The following ZNF562 variants were observed in gnomAD, a reference collection of about 807,000 sequenced individuals.
ZNF562 encodes the protein zinc finger protein 562.
A neutral mutation model predicts 17.5 loss-of-function variants in ZNF562; 13 were observed. The observed-to-expected ratio is 0.74, with a 90% CI of 0.48 to 1.18. The LOEUF is 1.18. Among genes scored for constraint, ZNF562 ranks in the 50% most tolerant of loss-of-function variants. The probability of loss-of-function intolerance (pLI) is 0.00; values close to 1 mark genes in which losing one functional copy is unlikely to be tolerated. For missense variants in ZNF562, 481 were observed against 498.5 expected (o/e 0.96, Z 0.33); for synonymous variants, 163 against 165.4 (o/e 0.99, Z 0.11).
intron 1 of ZNF562, among the ~76,000 whole-genome samples, chr19:9,665,379 A>G (rs2043917572): frequency 6.6e-6 from 1 of 152,178 alleles, no homozygotes; most frequent in Non-Finnish European, 1.5e-5. Flanking sequence ...TACACTGGAA[A>G]AAACTGAGCT....
chr19:9,670,274 G>A (rs538947769), intron 1 of ZNF562, among the ~76,000 whole-genome samples: 10 of 151,946 alleles, frequency 6.6e-5, no homozygotes, highest in Admixed American at 3.3e-4. Context: ...CAGTATGGGG[G>A]TTTCTCAAAA....
At chr19:9,672,967 C>T (rs968516931) in intron 1 of ZNF562, among the ~76,000 whole-genome samples, 1 of 151,902 alleles carries the variant, frequency 6.6e-6, no homozygotes, top group Non-Finnish European at 1.5e-5. Flanking sequence ...AGCCTGTAAA[C>T]TTCCTTGTTC....
Position 9,649,256 on chromosome 19 carries a change from G to A in ZNF562, c.*3693C>T, listed in dbSNP as rs1003402384. 12 of 152,142 alleles carry A rather than the reference G, an allele frequency of 7.9e-5. No individual in the cohort carries two copies. The highest frequency in any genetic ancestry group is 2.2e-4 in the African/African-American group (9 of 41,426). The allele number at this position is 152,142 out of a possible 1,614,324, so 9.4% of individuals were successfully genotyped here. On this transcript the variant is annotated 3_prime_UTR_variant, in exon 6 of 6. Transcript: ENST00000453372. ...CTCAATCCTGTCAGCTGAGGAGGAT[G>A]TATATTACCTCAGGACCCTGTAATA...
chr19:9,664,545 G>A (rs1487742022), intron 1 of ZNF562, among the ~76,000 whole-genome samples: 2 of 152,184 alleles, frequency 1.3e-5, no homozygotes, highest in African/African-American at 4.8e-5. Flanking sequence ...TTCACACAGG[G>A]CATGTGTTCC....
chr19:9,669,381 C>A (rs1307341750), intron 1 of ZNF562, among the ~76,000 whole-genome samples: 2 of 152,078 alleles, frequency 1.3e-5, no homozygotes, highest in African/African-American at 4.8e-5. Flanking sequence ...CAGAGAAATA[C>A]AAATCACACA....
At chr19:9,655,817 C>G (rs539547554) in intron 5 of ZNF562, among the ~76,000 whole-genome samples, 1 of 140,968 alleles carries the variant, frequency 7.1e-6, no homozygotes, top group Non-Finnish European at 1.5e-5. Flanking sequence ...CACTCAGCAA[C>G]CTCGGCCTCT....
At chr19:9,665,741 C>A (rs568703761) in intron 1 of ZNF562, among the ~76,000 whole-genome samples, 147 of 152,054 alleles carry the variant, frequency 9.7e-4, no homozygotes, top group Non-Finnish European at 1.8e-3. Flanking sequence ...AGGCGGTGAC[C>A]TAGGGAAATT....
intron 3 of ZNF562, 121 bp downstream of exon 3, chr19:9,659,258 T>C: frequency 2.3e-6 from 2 of 876,840 alleles, no homozygotes; most frequent in Non-Finnish European, 3.5e-6. Context: ...GGGGATTCAG[T>C]CCTTGAGTAA....
chr19:9,662,561 C>CA (rs924820513), intron 1 of ZNF562, among the ~76,000 whole-genome samples: 194 of 116,890 alleles, frequency 1.7e-3, no homozygotes, highest in East Asian at 7.2e-3. Context: ...GACTCCATCT[C>CA]AAAAAAAAAA....
rs528697437 is a variant in ZNF562 at position 9,642,945 on chromosome 19, G to A, written c.*10004C>T. On this transcript the variant is annotated 3_prime_UTR_variant, in exon 6 of 6. Transcript: ENST00000453372. ...CATTCCCAGCTACTCAGAAGGCTGA[G>A]GTGAGAGGATTGCTTGAGCCCAGGA... The A allele has an allele frequency of 6.6e-6, 1 of 151,956 alleles. No individual in the cohort carries two copies. The highest frequency in any genetic ancestry group is 6.6e-5 in the Admixed American group (1 of 15,204). 9.4% of individuals were successfully genotyped at this position (151,956 alleles called of 1,614,324 possible). A position where few individuals can be genotyped will look rare whatever the true frequency, so the allele number is the denominator to read the frequency against.
chr19:9,656,705 G>GTTT (rs1568265324), intron 4 of ZNF562, 52 bp from the exon 5 acceptor site: 8 of 1,560,754 alleles, frequency 5.1e-6, no homozygotes, highest in Non-Finnish European at 7.0e-6. Flanking sequence ...ATTTGTCCTT[G>GTTT]TTTTCAAATT....
intron 1 of ZNF562, among the ~76,000 whole-genome samples, chr19:9,662,778 G>A (rs1045693785): frequency 2.6e-5 from 4 of 152,000 alleles, no homozygotes; most frequent in Admixed American, 1.3e-4. Context: ...TACTTGGGAG[G>A]CTGAGGCAGG....
At chr19:9,663,656 G>A (rs1395127610) in intron 1 of ZNF562, among the ~76,000 whole-genome samples, 1 of 151,732 alleles carries the variant, frequency 6.6e-6, no homozygotes, top group Non-Finnish European at 1.5e-5. Context: ...TGCCACCACT[G>A]TAGCTATTGT....
intron 1 of ZNF562, among the ~76,000 whole-genome samples, chr19:9,663,434 A>T (rs916374461): frequency 6.6e-6 from 1 of 151,526 alleles, no homozygotes; most frequent in African/African-American, 2.4e-5. Flanking sequence ...AAGGAAAAAG[A>T]AAAGAAACAG....
At chr19:9,665,536 A>G (rs2043924150) in intron 1 of ZNF562, among the ~76,000 whole-genome samples, 1 of 152,168 alleles carries the variant, frequency 6.6e-6, no homozygotes, top group African/African-American at 2.4e-5. Flanking sequence ...AGGCAGGACT[A>G]CCATCCCCAG....
intron 5 of ZNF562, among the ~76,000 whole-genome samples, chr19:9,656,024 C>T (rs2043468872): frequency 6.6e-6 from 1 of 152,042 alleles, no homozygotes; most frequent in Non-Finnish European, 1.5e-5. Context: ...TGAGCCACCA[C>T]ATCCAGCCTC....
chr19:9,660,021 G>A (rs1241017944), intron 2 of ZNF562, among the ~76,000 whole-genome samples: 2 of 130,884 alleles, frequency 1.5e-5, no homozygotes, highest in Admixed American at 8.3e-5. Flanking sequence ...CCTGGGAAGT[G>A]GAGGTTGCAA....
chr19:9,653,524 C>T lies in ZNF562; in HGVS notation c.706G>A (p.Glu236Lys), dbSNP rs1483048011. The change falls in exon 6 of 6, where the codon GAA (glutamate) becomes AAA (lysine). Residue 236 changes from glutamate (E) to lysine (K), a missense_variant. Coordinates refer to ENST00000453372, the MANE Select transcript of ZNF562 (RefSeq NM_001130031.2). ...GAAGTTGTGATGGCTCTCTCACATT[C>T]CTGAAATTCACAGAGTTTCTCTCCA... ...HIGEKLCEFQ[E>K]CERAITTSSH... 9 of 1,614,066 alleles carry T rather than the reference C, an allele frequency of 5.6e-6. No individual in the cohort carries two copies. Among genetic ancestry groups the T allele is most frequent in the Non-Finnish European group, 7.6e-6 (9 of 1,180,036 alleles).
rs2074818778 is a variant in ZNF562, at chr19:9,647,792, A to C, written c.*5157T>G. On this transcript the variant is annotated 3_prime_UTR_variant, in exon 6 of 6. Transcript: ENST00000453372. ...CTGGAACCCAGGAGGTGGAATTTGC[A>C]GTAAGTTGAGATCACACCATTGCAC... The C allele has an allele frequency of 6.6e-6, 1 of 152,236 alleles. No homozygotes were observed. 9.4% of individuals were successfully genotyped at this position (152,236 alleles called of 1,614,324 possible).
Sources: gnomAD v4.1 joint callset for allele counts (sites outside exome capture counted in the v4.1 genomes callset) on GRCh38, gnomAD v4.1.1 for gene constraint, MANE v1.5 for transcripts, NCBI Gene and HGNC (gene_info 2026-07-23, HGNC 2026-07-21) for gene names.